GNAL: variants seen among roughly 807,000 people sequenced by gnomAD.
GNAL encodes G protein subunit alpha L.
In GNAL, 18 loss-of-function variants were observed where a neutral mutation model predicts 55.1. The observed-to-expected ratio is 0.33, with a 90% CI of 0.23 to 0.48. GNAL has a LOEUF of 0.48. GNAL is among the 20% of genes least tolerant of loss of function. The pLI, the probability that GNAL is intolerant of heterozygous loss-of-function variation, is 0.99. For synonymous variants in GNAL, 253 were observed against 237.0 expected, an observed-to-expected ratio of 1.07 and a Z score of -0.62; for missense variants, 412 against 614.1, an observed-to-expected ratio of 0.67 and a Z score of 3.48.
chr18:11,809,491 A>G (rs2034754754), intron 4 of GNAL, among the ~76,000 whole-genome samples: 2 of 152,018 alleles, frequency 1.3e-5, no homozygotes, highest in African/African-American at 2.4e-5. Flanking sequence ...AAAAAATAGA[A>G]AGAGGCTGAG....
chr18:11,827,925 C>T (rs1265401855), intron 5 of GNAL, among the ~76,000 whole-genome samples: 3 of 148,584 alleles, frequency 2.0e-5, no homozygotes, highest in East Asian at 4.0e-4. Context: ...GAGCCGAGAT[C>T]GCGCCACTGC....
At chr18:11,821,640 G>A (rs1255904623) in intron 4 of GNAL, among the ~76,000 whole-genome samples, 1 of 152,266 alleles carries the variant, frequency 6.6e-6, no homozygotes, top group Non-Finnish European at 1.5e-5. Flanking sequence ...GCCGAAGCCT[G>A]AAGGAATGAG....
At chr18:11,879,721 C>G (rs1342626796) in intron 11 of GNAL, among the ~76,000 whole-genome samples, 2 of 152,244 alleles carry the variant, frequency 1.3e-5, no homozygotes, top group Non-Finnish European at 2.9e-5. Flanking sequence ...ACCCACTGCA[C>G]TTAGCTTCAT....
intron 1 of GNAL, among the ~76,000 whole-genome samples, chr18:11,726,204 T>C (rs1270523863): frequency 6.6e-6 from 1 of 152,234 alleles, no homozygotes; most frequent in Non-Finnish European, 1.5e-5. Context: ...TTCTTCAATA[T>C]TGTGTTGGCT....
chr18:11,821,555 G>A (rs1368215080), intron 4 of GNAL, among the ~76,000 whole-genome samples: 1 of 152,216 alleles, frequency 6.6e-6, no homozygotes, highest in African/African-American at 2.4e-5. Context: ...TGTGAGTAAG[G>A]CCCTTACTGT....
At chr18:11,872,709 G>A (rs1405968861) in intron 10 of GNAL, among the ~76,000 whole-genome samples, 1 of 152,212 alleles carries the variant, frequency 6.6e-6, no homozygotes, top group Non-Finnish European at 1.5e-5. Context: ...GGTGTGACAT[G>A]ACAGGTGCCT....
chr18:11,754,758 A>G (rs1442670284), intron 4 of GNAL, among the ~76,000 whole-genome samples: 1 of 152,264 alleles, frequency 6.6e-6, no homozygotes. Context: ...TGTTTATCAT[A>G]TTAAAATGCA....
intron 4 of GNAL, among the ~76,000 whole-genome samples, chr18:11,819,032 C>T (rs747499390): frequency 3.0e-4 from 45 of 151,034 alleles, no homozygotes; most frequent in Non-Finnish European, 5.3e-4. Flanking sequence ...ACCCCACAGC[C>T]GCCAGACAGA....
chr18:11,757,426 G>C (rs1407860569), intron 4 of GNAL, among the ~76,000 whole-genome samples: 1 of 152,170 alleles, frequency 6.6e-6, no homozygotes, highest in Non-Finnish European at 1.5e-5. Flanking sequence ...TGGGGAGGCA[G>C]GAGTTGAAGG....
chr18:11,689,523 T>C lies in GNAL; in HGVS notation c.-41T>C, dbSNP rs9303742. On this transcript the variant is annotated 5_prime_UTR_variant, in exon 1 of 12. Coordinates refer to ENST00000334049, the MANE Select transcript of GNAL (RefSeq NM_182978.4). ...ACCAGGCCGCCCTCGGCGCCCAGCC[T>C]GCCCTAGTCCCGCGCGCCGCCCCCG... 0.25 allele frequency: 262,606 copies of C among 1,033,504 alleles called. 41,303 individuals are homozygous for C. The highest frequency in any genetic ancestry group is 0.7 in the African/African-American group (41,869 of 60,190). 64.0% of individuals were successfully genotyped at this position (1,033,504 alleles called of 1,614,324 possible).
chr18:11,850,759 C>G (rs1040214741), intron 5 of GNAL, among the ~76,000 whole-genome samples: 1 of 152,168 alleles, frequency 6.6e-6, no homozygotes, highest in Non-Finnish European at 1.5e-5. Flanking sequence ...TGGATAATTG[C>G]TGGCAACTCA....
At chr18:11,692,687 C>T (rs534878146) in intron 1 of GNAL, among the ~76,000 whole-genome samples, 4 of 147,898 alleles carry the variant, frequency 2.7e-5, no homozygotes, top group Non-Finnish European at 6.0e-5. Context: ...GAAGCTGGGG[C>T]TGGTGGATCA....
In GNAL at chr18:11,735,806, A is replaced by AAGG. The variant is rs1555644599; in HGVS notation, c.377-17046_377-17045insGGA. ...AAAGGAGGGAGGGAGGGAAGGAAGG[A>AAGG]AAGGAAGGAAGGAAGGAAGGAAGGG... On this transcript the variant is annotated intron_variant, in intron 1 of 11. Coordinates refer to ENST00000334049, the MANE Select transcript of GNAL (RefSeq NM_182978.4). 1.2e-3 allele frequency among the ~76,000 whole-genome samples: 174 copies of AAGG among 149,760 alleles called. 1 individual carries two copies. The highest frequency in any genetic ancestry group is 4.3e-3 in the African/African-American group (172 of 40,214).
At chr18:11,713,493 A>G (rs1417042017) in intron 1 of GNAL, among the ~76,000 whole-genome samples, 1 of 152,224 alleles carries the variant, frequency 6.6e-6, no homozygotes, top group African/African-American at 2.4e-5. Context: ...ACTGTTACAA[A>G]GGTTATTGTT....
In GNAL at chr18:11,824,830, A is replaced by G. The variant is rs1647555; in HGVS notation, c.625-88A>G. 521,765 of 697,514 alleles carry G rather than the reference A, an allele frequency of 0.75. 199,337 individuals carry two copies. Among genetic ancestry groups the G allele is most frequent in the Admixed American group, 0.84 (31,251 of 37,020 alleles). 43.2% of individuals were successfully genotyped at this position (697,514 alleles called of 1,614,324 possible). A position where few individuals can be genotyped will look rare whatever the true frequency, so the allele number is the denominator to read the frequency against. ...AAAATCTGAATGCTACTTGCAAAAAACAGTTTTTGCAGTTTCTTTTTCCTT... is the reference window on the plus strand; with the variant it reads ...AAAATCTGAATGCTACTTGCAAAAAGCAGTTTTTGCAGTTTCTTTTTCCTT... On this transcript the variant is annotated intron_variant, in intron 4 of 11. Transcript: ENST00000334049.
At chr18:11,861,848 C>T (rs2036148046) in intron 5 of GNAL, among the ~76,000 whole-genome samples, 3 of 152,226 alleles carry the variant, frequency 2.0e-5, no homozygotes, top group South Asian at 2.1e-4. Flanking sequence ...TTCTCGCTCT[C>T]GCACACTTTC....
chr18:11,796,193 C>CAAG (rs1428380004), intron 4 of GNAL, among the ~76,000 whole-genome samples: 3 of 152,158 alleles, frequency 2.0e-5, no homozygotes, highest in Non-Finnish European at 2.9e-5. Flanking sequence ...CCAACACCAC[C>CAAG]AACAATGTGT....
chr18:11,815,550 A>T (rs1568039713), intron 4 of GNAL, among the ~76,000 whole-genome samples: 1 of 152,170 alleles, frequency 6.6e-6, no homozygotes, highest in African/African-American at 2.4e-5. Context: ...TAAGTCACCG[A>T]GGGGGAAGTC....
chr18:11,885,326 G>C lies in GNAL; in HGVS notation c.*4191G>C, dbSNP rs1018318288. ...CTGCCAGGTCAAATGGGCATGTTTA[G>C]AAAATAAGAGAAGATGGCTGAGTAT... is the stretch of plus-strand genomic sequence containing the variant. On this transcript the variant is annotated 3_prime_UTR_variant, in exon 12 of 12. Coordinates refer to ENST00000334049, the MANE Select transcript of GNAL (RefSeq NM_182978.4). The C allele has an allele frequency of 3.4e-6, 1 of 289,878 alleles. No homozygotes were observed. The highest frequency in any genetic ancestry group is 2.2e-5 in the African/African-American group (1 of 44,908). 18.0% of individuals were successfully genotyped at this position (289,878 alleles called of 1,614,324 possible). A position where few individuals can be genotyped will look rare whatever the true frequency, so the allele number is the denominator to read the frequency against.
Sources: allele counts gnomAD v4.1 joint callset (sites outside exome capture counted in the v4.1 genomes callset), GRCh38; gene constraint gnomAD v4.1.1; transcripts MANE v1.5; gene names NCBI Gene and HGNC (gene_info 2026-07-23, HGNC 2026-07-21).